HOOK2: variants seen among roughly 807,000 people sequenced by gnomAD.
HOOK2 encodes hook microtubule tethering protein 2, also known as protein Hook homolog 2.
In HOOK2, 108 loss-of-function variants were observed where a neutral mutation model predicts 111.9. The observed-to-expected ratio is 0.96, with a 90% CI of 0.83 to 1.13. The LOEUF is 1.13. Ranked by LOEUF, HOOK2 falls within the 50% of genes most tolerant of loss-of-function variation. The pLI, the probability that HOOK2 is intolerant of heterozygous loss-of-function variation, is 0.00. For synonymous variants in HOOK2, 405 were observed against 394.3 expected (o/e 1.03, Z -0.32); for missense variants, 978 against 951.3 (o/e 1.03, Z -0.37).
At chr19:12,781,524 C>T (rs1408176026), upstream of HOOK2, among the ~76,000 whole-genome samples, 3 of 151,680 alleles carry the variant, frequency 2.0e-5, no homozygotes, top group East Asian at 6.0e-4. Context: ...GACGGGGTTT[C>T]AGTGTGTTAG....
intron 1 of HOOK2, 60 bp from the exon 2 acceptor site, chr19:12,774,957 C>T: frequency 2.0e-6 from 3 of 1,497,580 alleles, no homozygotes; most frequent in Non-Finnish European, 2.7e-6. Context: ...GAACCGCTCC[C>T]CTTTTGCAGA....
rs770186684 is a variant in HOOK2 at position 12,771,116 on chromosome 19, C to A, written c.761+43G>T. On this transcript the variant is annotated intron_variant, in intron 9 of 22. Coordinates refer to ENST00000397668, the MANE Select transcript of HOOK2 (RefSeq NM_013312.3). ...GAGCACATGAGGGGGCTGCCCTCCC[C>A]CGGTCCCCTGGCTTGCCTGGCCCAG... 9 of 1,611,464 alleles carry A rather than the reference C, an allele frequency of 5.6e-6. No individual in the cohort carries two copies. In the South Asian group the frequency reaches 8.8e-5, roughly 16 times the overall value.
rs142842058 is a variant in HOOK2, at chr19:12,764,994, C to T, written c.1723+5G>A. On this transcript the variant is annotated splice_donor_5th_base_variant and intron_variant, in intron 19 of 22. Transcript: ENST00000397668. ...CCCACCCTCTGGTCACTAGGTCCTA[C>T]TTACTGCTGCTGTCAGTGGGTGGCT... 6.2e-7 allele frequency: 1 copy of T among 1,614,176 alleles called. No individual in the cohort carries two copies. The highest frequency in any genetic ancestry group is 2.2e-5 in the East Asian group (1 of 44,880).
chr19:12,791,543 G>T lies in HOOK2; in HGVS notation n.42-17318C>A. On this transcript the variant is annotated intron_variant and non_coding_transcript_variant, in intron 3 of 3. Transcript: ENST00000589765. This position sits in a 1 kb window ranked among gnomAD's most constrained non-coding sequence, Gnocchi z 7.0. ...GCCAGCAGGGAGCTGGGAGCTGGGGGAAACGACGCCAGGAAAGCTATCGCG... is the reference window on the plus strand; with the variant it reads ...GCCAGCAGGGAGCTGGGAGCTGGGGTAAACGACGCCAGGAAAGCTATCGCG... 4.1e-6 allele frequency: 2 copies of T among 486,864 alleles called. No individual in the cohort carries two copies. Among genetic ancestry groups the T allele is most frequent in the Non-Finnish European group, 3.6e-6 (1 of 277,318 alleles). 30.2% of individuals were successfully genotyped at this position (486,864 alleles called of 1,614,324 possible).
At position 12,763,715 on chromosome 19, in the gene HOOK2, G is replaced by C. The variant is rs1422240175; in HGVS notation, c.1891C>G (p.Leu631Val). The C allele has an allele frequency of 6.2e-7, 1 of 1,614,242 alleles. No homozygotes were observed. The highest frequency in any genetic ancestry group is 1.7e-5 in the Admixed American group (1 of 60,030). The change falls in exon 21 of 23, where the codon CTG becomes GTG. Residue 631 changes from leucine to valine, a missense_variant. By Grantham distance (32) the Leu-to-Val change is conservative. Coordinates refer to ENST00000397668, the MANE Select transcript of HOOK2 (RefSeq NM_013312.3). ...AAGAPPELHS[L>V]RTQLRERDVR... Reference sequence around the variant, plus strand: ...TCCCGTTCTCGGAGCTGTGTCCTCAGGGAATGGAGTTCTGGAGGTGCCCCC... The same window carrying C: ...TCCCGTTCTCGGAGCTGTGTCCTCACGGAATGGAGTTCTGGAGGTGCCCCC...
At chr19:12,779,513 A>T (rs1968575229), upstream of HOOK2, among the ~76,000 whole-genome samples, 1 of 152,090 alleles carries the variant, frequency 6.6e-6, no homozygotes, top group South Asian at 2.1e-4. Flanking sequence ...TCCATGTGAA[A>T]TGTGCTAGGT....
chr19:12,767,682 C>T (rs923586482), intron 13 of HOOK2, 134 bp downstream of exon 13: 18 of 899,246 alleles, frequency 2.0e-5, no homozygotes, highest in East Asian at 2.7e-5. Context: ...TCAATTTGAC[C>T]GTGTCACCTC....
chr19:12,765,163 GC>G, intron 18 of HOOK2, 82 bp from the exon 19 acceptor site: 1 of 1,387,540 alleles, frequency 7.2e-7, no homozygotes, highest in Non-Finnish European at 1.0e-6. Context: ...AGACCTCCCC[GC>G]CAGCCAGAAA....
At chr19:12,785,669 T>C (rs907605144) in intron 3 of HOOK2, among the ~76,000 whole-genome samples, 2 of 152,294 alleles carry the variant, frequency 1.3e-5, no homozygotes, top group Admixed American at 6.5e-5. Context: ...GGCAGAGGGC[T>C]ACTCCTGTCT....
At chr19:12,770,166 G>T in intron 10 of HOOK2, 84 bp from the exon 11 acceptor site, 1 of 1,222,156 alleles carries the variant, frequency 8.2e-7, no homozygotes, top group Non-Finnish European at 1.1e-6. Flanking sequence ...GGAGCACAGG[G>T]TGTTGTTCAG....
At chr19:12,785,788 A>G (rs1221107967) in intron 3 of HOOK2, among the ~76,000 whole-genome samples, 1 of 152,124 alleles carries the variant, frequency 6.6e-6, no homozygotes, top group Non-Finnish European at 1.5e-5. Context: ...GGGGCACTGG[A>G]CACCCCAGTC....
upstream of HOOK2, among the ~76,000 whole-genome samples, chr19:12,781,969 C>T (rs953983323): frequency 1.3e-5 from 2 of 151,972 alleles, no homozygotes; most frequent in African/African-American, 4.8e-5. Flanking sequence ...CCCCCACATA[C>T]CTGGGACTAT....
Position 12,775,413 on chromosome 19 carries a change from G to C in HOOK2, c.37C>G (p.Leu13Val). The change falls in exon 1 of 23, where the codon CTC becomes GTC. Residue 13 changes from leucine (L) to valine (V), a missense_variant. Transcript: ENST00000397668. ...VDKAELCGSL[L>V]TWLQTFHVPS... ...CCCGCCCCACGACCTACCCAGGTGAGCAGAGACCCGCATAGCTCAGCTTTG... is the reference window on the plus strand; with the variant it reads ...CCCGCCCCACGACCTACCCAGGTGACCAGAGACCCGCATAGCTCAGCTTTG... 1 of 1,612,764 alleles carries C rather than the reference G, an allele frequency of 6.2e-7. No homozygotes were observed.
chr19:12,775,009 C>T, intron 1 of HOOK2, 112 bp from the exon 2 acceptor site: 1 of 1,180,464 alleles, frequency 8.5e-7, no homozygotes, highest in African/African-American at 1.5e-5. Context: ...GCGGGCGCTG[C>T]TCCGCCACAG....
chr19:12,773,188 G>C lies in HOOK2; in HGVS notation c.205-144C>G, dbSNP rs1599500972. 6.4e-6 allele frequency: 4 copies of C among 624,460 alleles called. No individual in the cohort carries two copies. In the Admixed American group the frequency reaches 8.2e-5, roughly 13 times the overall value. 38.7% of individuals were successfully genotyped at this position (624,460 alleles called of 1,614,324 possible). A position where few individuals can be genotyped will look rare whatever the true frequency, so the allele number is the denominator to read the frequency against. On this transcript the variant is annotated intron_variant, in intron 3 of 22. Coordinates refer to ENST00000397668, the MANE Select transcript of HOOK2 (RefSeq NM_013312.3). ...GTGCGCCTTCCTCTAGGGGTGACCTGTCTGGCTGTCTGCCCCTTTTGTCTG... is the reference window on the plus strand; with the variant it reads ...GTGCGCCTTCCTCTAGGGGTGACCTCTCTGGCTGTCTGCCCCTTTTGTCTG...
chr19:12,766,926 A>G (rs1968171431), intron 14 of HOOK2, among the ~76,000 whole-genome samples: 1 of 152,050 alleles, frequency 6.6e-6, no homozygotes, highest in African/African-American at 2.4e-5. Flanking sequence ...AGAGAGGGCC[A>G]CTATGTTGCC....
chr19:12,775,324 G>A, intron 1 of HOOK2, 81 bp downstream of exon 1: 2 of 1,559,770 alleles, frequency 1.3e-6, no homozygotes, highest in Non-Finnish European at 1.7e-6. Context: ...CCAGCACCAA[G>A]AGACTGACCG....
At position 12,763,518 on chromosome 19, in the gene HOOK2, C is replaced by T. The variant is rs1968057825; in HGVS notation, c.2010+10G>A. On this transcript the variant is annotated intron_variant, in intron 22 of 22. Coordinates refer to ENST00000397668, the MANE Select transcript of HOOK2 (RefSeq NM_013312.3). ...CCCATGAGATCTTAGAGCCCAGACC[C>T]CACACTTACCATATTATACCAGGCA... 6.2e-7 allele frequency: 1 copy of T among 1,614,222 alleles called. No individual in the cohort carries two copies. The highest frequency in any genetic ancestry group is 8.5e-7 in the Non-Finnish European group (1 of 1,180,038).
At chr19:12,779,777 G>C (rs1427383098), upstream of HOOK2, among the ~76,000 whole-genome samples, 1 of 151,832 alleles carries the variant, frequency 6.6e-6, no homozygotes, top group Non-Finnish European at 1.5e-5. Flanking sequence ...TGCCTGATTT[G>C]ATGGGGGGGA....
Sources: gnomAD v4.1 joint callset for allele counts (sites outside exome capture counted in the v4.1 genomes callset) on GRCh38, gnomAD v4.1.1 for gene constraint, Gnocchi (gnomAD v3.1) non-coding constraint, MANE v1.5 for transcripts, NCBI Gene and HGNC (gene_info 2026-07-23, HGNC 2026-07-21) for gene names.